The following PCDHGB3 variants were observed in gnomAD, a reference collection of about 807,000 sequenced individuals.
PCDHGB3 encodes protocadherin gamma subfamily B, 3, also known as protocadherin gamma-B3.
A neutral mutation model predicts 59.2 loss-of-function variants in PCDHGB3; 40 were observed. That is an observed-to-expected ratio of 0.68 (90% confidence interval 0.52 to 0.88). The LOEUF is 0.88. PCDHGB3 is among the 40% of genes least tolerant of loss of function. PCDHGB3 has a pLI of 0.00. For synonymous variants in PCDHGB3, 581 were observed against 503.6 expected (o/e 1.15, Z -2.06); for missense variants, 1,309 against 1,187.9 (o/e 1.10, Z -1.50).
At chr5:141,434,392 CA>C (rs1377925864) in intron 1 of PCDHGB3, among the ~76,000 whole-genome samples, 2 of 152,210 alleles carry the variant, frequency 1.3e-5, no homozygotes, top group Non-Finnish European at 2.9e-5. Context: ...TGGCCATAAA[CA>C]AAATCTCTGC....
chr5:141,476,920 A>G lies in PCDHGB3; in HGVS notation c.2416-17887A>G. The G allele has an allele frequency of 6.2e-7, 1 of 1,614,094 alleles. No individual in the cohort carries two copies. The highest frequency in any genetic ancestry group is 1.1e-5 in the South Asian group (1 of 91,088). On this transcript the variant is annotated intron_variant, in intron 1 of 3. Coordinates refer to ENST00000576222, the MANE Select transcript of PCDHGB3 (RefSeq NM_018924.5). This position sits in a 1 kb window ranked among gnomAD's most constrained non-coding sequence, Gnocchi z 7.6. ...GCACGCGCGTGGTACAAGTCCTTGC[A>G]ACGGATCTGGATGAAGGCCCCAACG...
chr5:141,490,804 T>C lies in PCDHGB3; in HGVS notation c.2416-4003T>C. On this transcript the variant is annotated intron_variant, in intron 1 of 3. Coordinates refer to ENST00000576222, the MANE Select transcript of PCDHGB3 (RefSeq NM_018924.5). This position sits in a 1 kb window ranked among gnomAD's most constrained non-coding sequence, Gnocchi z 5.4. The stretch of plus-strand genomic sequence containing the variant: ...TGGACGGATCTTTGCCCAGCGTACC[T>C]TTGACTATGAATTGCTGCAGATGCT... 2 of 1,613,854 alleles carry C rather than the reference T, an allele frequency of 1.2e-6. No homozygotes were observed. Among genetic ancestry groups the C allele is most frequent in the Non-Finnish European group, 1.7e-6 (2 of 1,179,816 alleles).
chr5:141,448,948 AAAAC>A (rs1237948751), intron 1 of PCDHGB3, among the ~76,000 whole-genome samples: 14 of 152,170 alleles, frequency 9.2e-5, no homozygotes, highest in African/African-American at 9.7e-5. Flanking sequence ...GCAACTCAAA[AAAAC>A]AAACAAACAA....
At chr5:141,379,494 T>C (rs1469467454) in intron 1 of PCDHGB3, 2 of 152,242 alleles carry the variant, frequency 1.3e-5, no homozygotes, top group Non-Finnish European at 2.9e-5. Context: ...ATACTACCAA[T>C]TTGGGATGTT....
rs1223431294 is a variant in PCDHGB3, at chr5:141,490,280, C to T, written c.2416-4527C>T. ...GATGTGGGGGATGTCAATGACAATG[C>T]CCCAGAGGTGCTATTGGCCTCTTTG... On this transcript the variant is annotated intron_variant, in intron 1 of 3. Transcript: ENST00000576222. The surrounding 1 kb of genome is among the most constrained non-coding windows in gnomAD (Gnocchi z 5.4). The T allele has an allele frequency of 5.6e-6, 9 of 1,614,216 alleles. No individual in the cohort carries two copies. In the East Asian group the frequency reaches 1.8e-4, roughly 32 times the overall value.
At chr5:141,473,131 A>G (rs1262205483) in intron 1 of PCDHGB3, among the ~76,000 whole-genome samples, 2 of 152,214 alleles carry the variant, frequency 1.3e-5, no homozygotes, top group Admixed American at 6.5e-5. Context: ...TTGGCAAACT[A>G]TATTATCTCT....
At chr5:141,409,389 C>T (rs1445649056) in intron 1 of PCDHGB3, 2 of 1,613,888 alleles carry the variant, frequency 1.2e-6, no homozygotes, top group Non-Finnish European at 1.7e-6. Flanking sequence ...AAGATTTATT[C>T]TTCTTCCAAT....
At chr5:141,428,041 TG>T (rs1260865435) in intron 1 of PCDHGB3, 1 of 1,608,448 alleles carries the variant, frequency 6.2e-7, no homozygotes, top group African/African-American at 1.3e-5. Flanking sequence ...GGCTACCTGG[TG>T]ACCAAGGTGG....
rs772345742 is a variant in PCDHGB3 at position 141,398,560 on chromosome 5, T to C, written c.2415+25751T>C. 17 of 1,613,792 alleles carry C rather than the reference T, an allele frequency of 1.1e-5. No individual in the cohort carries two copies. The Admixed American group carries it at 2.2e-4, about 21-fold the overall frequency. ...TTCCTTTGAGCTGCAAATAAGTGAG[T>C]CTGCACAGCCTGGCACAAGATTTAT... On this transcript the variant is annotated intron_variant, in intron 1 of 3. Transcript: ENST00000576222.
chr5:141,468,814 C>G (rs2099180978), intron 1 of PCDHGB3, among the ~76,000 whole-genome samples: 1 of 151,814 alleles, frequency 6.6e-6, no homozygotes, highest in African/African-American at 2.4e-5. Context: ...TGCAGTGAGC[C>G]AAGATCAAGC....
chr5:141,411,237 T>C (rs1472710660), intron 1 of PCDHGB3: 1 of 152,116 alleles, frequency 6.6e-6, no homozygotes, highest in Non-Finnish European at 1.5e-5. Flanking sequence ...GAAGACTTAG[T>C]GAATTTACGA....
chr5:141,442,227 T>G (rs953690152), intron 1 of PCDHGB3: 16 of 153,240 alleles, frequency 1.0e-4, no homozygotes, highest in African/African-American at 3.6e-4. Context: ...TTAATTTCCT[T>G]TTTATTCTTC....
At chr5:141,492,244 C>T (rs1334647731) in intron 1 of PCDHGB3, among the ~76,000 whole-genome samples, 1 of 152,198 alleles carries the variant, frequency 6.6e-6, no homozygotes, top group Admixed American at 6.5e-5. Flanking sequence ...TGGCCACCCC[C>T]ACGGCCCACA....
intron 1 of PCDHGB3, among the ~76,000 whole-genome samples, chr5:141,468,797 C>T (rs191599825): frequency 0.01 from 1,525 of 151,876 alleles, 28 homozygotes; most frequent in African/African-American, 0.035. Flanking sequence ...ACCCGGGAGG[C>T]GGAACTTGCA....
intron 1 of PCDHGB3, chr5:141,377,510 T>C (rs990813838): frequency 6.6e-6 from 1 of 152,006 alleles, no homozygotes; most frequent in African/African-American, 2.4e-5. Context: ...ATAGGAGGAT[T>C]GCTTAAGTCC....
At position 141,432,579 on chromosome 5, in the gene PCDHGB3, G is replaced by T; in HGVS notation, c.2415+59770G>T. On this transcript the variant is annotated intron_variant, in intron 1 of 3. Coordinates refer to ENST00000576222, the MANE Select transcript of PCDHGB3 (RefSeq NM_018924.5). This position sits in a 1 kb window ranked among gnomAD's most constrained non-coding sequence, Gnocchi z 6.0. ...GGCCAGAACGCCTGGCTGTCCTACC[G>T]TCTGCTCAAGGCCAGCGAGCCGGGA... is the stretch of plus-strand genomic sequence containing the variant. 1 of 1,613,860 alleles carries T rather than the reference G, an allele frequency of 6.2e-7. No homozygotes were observed. Among genetic ancestry groups the T allele is most frequent in the Non-Finnish European group, 8.5e-7 (1 of 1,179,984 alleles).
In PCDHGB3 at chr5:141,388,167, A is replaced by G. The variant is rs2091267491; in HGVS notation, c.2415+15358A>G. On this transcript the variant is annotated intron_variant, in intron 1 of 3. Coordinates refer to ENST00000576222, the MANE Select transcript of PCDHGB3 (RefSeq NM_018924.5). ...GAGCAGCAGGCTAGACAGGGAGGAG[A>G]TATGCGGGAAGAAGCCAGCTTGTGC... 4.1e-6 allele frequency: 6 copies of G among 1,478,972 alleles called. No individual in the cohort carries two copies. In the African/African-American group the frequency reaches 5.7e-5, roughly 14 times the overall value. 91.6% of individuals were successfully genotyped at this position (1,478,972 alleles called of 1,614,324 possible). A position where few individuals can be genotyped will look rare whatever the true frequency, so the allele number is the denominator to read the frequency against.
chr5:141,389,083 A>T, intron 1 of PCDHGB3: 3 of 1,614,058 alleles, frequency 1.9e-6, no homozygotes, highest in Non-Finnish European at 2.5e-6. Context: ...AGAAACACGT[A>T]TAAATTAGTG....
rs779949480 is a variant in PCDHGB3, at chr5:141,489,768, C to G, written c.2416-5039C>G. The G allele has an allele frequency of 6.2e-7, 1 of 1,614,134 alleles. No individual in the cohort carries two copies. The highest frequency in any genetic ancestry group is 1.1e-5 in the South Asian group (1 of 91,072). On this transcript the variant is annotated intron_variant, in intron 1 of 3. Coordinates refer to ENST00000576222, the MANE Select transcript of PCDHGB3 (RefSeq NM_018924.5). The surrounding 1 kb of genome is among the most constrained non-coding windows in gnomAD (Gnocchi z 4.5). ...GCTTTTACACTCTAAGCCCCAACAG[C>G]CACTTCTCTCTGAATGTGAAGACCC...
Sources: allele counts gnomAD v4.1 joint callset (sites outside exome capture counted in the v4.1 genomes callset), GRCh38; gene constraint gnomAD v4.1.1; non-coding constraint Gnocchi (gnomAD v3.1); transcripts MANE v1.5; gene names NCBI Gene and HGNC (gene_info 2026-07-23, HGNC 2026-07-21).